Variants in ATP8A2 observed in about 807,000 individuals in gnomAD.
ATP8A2 encodes the protein ATPase phospholipid transporting 8A2.
Under a neutral mutation model 165.6 loss-of-function variants are expected in ATP8A2, and 100 were observed. The ratio of observed to expected loss-of-function variants is 0.60; its 90% CI spans 0.51 to 0.71. The LOEUF (loss-of-function observed/expected upper bound fraction) is 0.71. Among genes scored for constraint, ATP8A2 ranks in the 30% least tolerant of loss-of-function variants. The pLI is 0.00. For missense variants in ATP8A2, 1,227 were observed against 1,479.5 expected (o/e 0.83, Z 2.80); for synonymous variants, 543 against 548.8 (o/e 0.99, Z 0.15).
At chr13:25,724,655 A>G (rs3132362) in intron 25 of ATP8A2, among the ~76,000 whole-genome samples, 18,531 of 152,258 alleles carry the variant, frequency 0.12, 1,499 homozygotes, top group East Asian at 0.36. Context: ...TCCACAGCAC[A>G]TGCAGGCTGC....
At chr13:25,877,347 C>G (rs1450661344) in intron 33 of ATP8A2, among the ~76,000 whole-genome samples, 2 of 152,220 alleles carry the variant, frequency 1.3e-5, no homozygotes, top group African/African-American at 2.4e-5. Flanking sequence ...GAGCTCACCT[C>G]TTTGTTTTTA....
chr13:25,916,106 C>T (rs774797720), intron 33 of ATP8A2, among the ~76,000 whole-genome samples: 3 of 152,014 alleles, frequency 2.0e-5, no homozygotes, highest in Non-Finnish European at 4.4e-5. Flanking sequence ...ACCAACTGTG[C>T]GTCAGATTAA....
At chr13:25,480,200 G>A (rs2036128761) in intron 2 of ATP8A2, among the ~76,000 whole-genome samples, 1 of 147,110 alleles carries the variant, frequency 6.8e-6, no homozygotes, top group Non-Finnish European at 1.5e-5. Context: ...CGGACGGAGT[G>A]GCTGGCCGGG....
At chr13:25,638,071 A>C (rs2041418096) in intron 24 of ATP8A2, among the ~76,000 whole-genome samples, 2 of 152,206 alleles carry the variant, frequency 1.3e-5, no homozygotes, top group Non-Finnish European at 2.9e-5. Flanking sequence ...GAAAACTAAC[A>C]AACAGAAAGG....
At chr13:25,626,491 C>T (rs185846481) in intron 24 of ATP8A2, among the ~76,000 whole-genome samples, 5 of 152,210 alleles carry the variant, frequency 3.3e-5, no homozygotes, top group Admixed American at 1.3e-4. Flanking sequence ...GCCTCCATGT[C>T]CAATCAGCAT....
intron 1 of ATP8A2, among the ~76,000 whole-genome samples, chr13:25,407,613 T>C (rs2033843333): frequency 1.3e-5 from 2 of 152,106 alleles, no homozygotes; most frequent in African/African-American, 4.8e-5. Context: ...CAAGTAGGGA[T>C]TATTTGATTT....
intron 33 of ATP8A2, among the ~76,000 whole-genome samples, chr13:25,869,377 C>A (rs929265102): frequency 5.9e-5 from 9 of 152,164 alleles, no homozygotes; most frequent in African/African-American, 2.2e-4. Context: ...ACAGAACTCC[C>A]GTTATCCTAA....
chr13:25,643,131 G>A lies in ATP8A2; in HGVS notation c.2211+53432G>A, dbSNP rs574381327. Among the ~76,000 whole-genome samples, 28 of 152,218 alleles carry A rather than the reference G, an allele frequency of 1.8e-4. No homozygotes were observed. The South Asian group carries it at 4.6e-3, about 25-fold the overall frequency. The stretch of plus-strand genomic sequence containing the variant: ...TAATGTAAATGACGAGTTAATGGGC[G>A]CAGCACACCAACATGGGACATGTAT... On this transcript the variant is annotated intron_variant, in intron 24 of 36. Transcript: ENST00000381655.
intron 2 of ATP8A2, among the ~76,000 whole-genome samples, chr13:25,476,188 A>G (rs2035989091): frequency 6.6e-6 from 1 of 152,210 alleles, no homozygotes; most frequent in Non-Finnish European, 1.5e-5. Flanking sequence ...TCTCCTCTAA[A>G]TGTTTTAATG....
At chr13:25,940,977 C>T (rs953348242) in intron 33 of ATP8A2, among the ~76,000 whole-genome samples, 1 of 152,206 alleles carries the variant, frequency 6.6e-6, no homozygotes, top group African/African-American at 2.4e-5. Context: ...GTAGCAGAGT[C>T]CACGTGGCTC....
intron 16 of ATP8A2, among the ~76,000 whole-genome samples, chr13:25,566,539 G>A (rs1454442053): frequency 6.6e-6 from 1 of 152,172 alleles, no homozygotes; most frequent in African/African-American, 2.4e-5. Flanking sequence ...AGGAGAAAGT[G>A]GCAGGGTGAC....
At position 25,771,949 on chromosome 13, in the gene ATP8A2, T is replaced by A. The variant is rs145758771; in HGVS notation, c.2568+2720T>A. 4.8e-3 allele frequency among the ~76,000 whole-genome samples: 732 copies of A among 152,332 alleles called. 6 individuals are homozygous for A. Among genetic ancestry groups the A allele is most frequent in the African/African-American group, 0.014 (579 of 41,572 alleles). On this transcript the variant is annotated intron_variant, in intron 26 of 36. Coordinates refer to ENST00000381655, the MANE Select transcript of ATP8A2 (RefSeq NM_016529.6). ...CATTTTAATGTGGATGCATTTTTTT[T>A]ATTACGCTTCGGAGGAAGTACCCTC...
intron 2 of ATP8A2, among the ~76,000 whole-genome samples, chr13:25,475,117 T>C (rs2035957079): frequency 6.6e-6 from 1 of 152,106 alleles, no homozygotes; most frequent in Non-Finnish European, 1.5e-5. Flanking sequence ...ACACCTGTAA[T>C]AGGCCACTGT....
At chr13:25,799,758 A>T (rs114907054) in intron 27 of ATP8A2, among the ~76,000 whole-genome samples, 1 of 152,166 alleles carries the variant, frequency 6.6e-6, no homozygotes, top group African/African-American at 2.4e-5. Context: ...AAAGCATTTC[A>T]AGTGCTCTTG....
intron 2 of ATP8A2, among the ~76,000 whole-genome samples, chr13:25,525,790 T>C (rs1008684680): frequency 6.6e-6 from 1 of 152,158 alleles, no homozygotes; most frequent in Non-Finnish European, 1.5e-5. Context: ...TGAAGTCTTA[T>C]TTGGGTCAGA....
chr13:25,872,116 G>A (rs183438577), intron 33 of ATP8A2, among the ~76,000 whole-genome samples: 3 of 141,080 alleles, frequency 2.1e-5, no homozygotes, highest in East Asian at 4.3e-4. Context: ...CCACCTCTAG[G>A]GTCTGGATCT....
At chr13:25,605,689 G>A (rs188521861) in intron 24 of ATP8A2, among the ~76,000 whole-genome samples, 2 of 151,796 alleles carry the variant, frequency 1.3e-5, no homozygotes, top group Admixed American at 1.3e-4. Flanking sequence ...AGCTGAGATT[G>A]TATCTCTAGA....
chr13:25,918,475 A>G (rs901633645), intron 33 of ATP8A2, among the ~76,000 whole-genome samples: 2 of 152,232 alleles, frequency 1.3e-5, no homozygotes, highest in Non-Finnish European at 2.9e-5. Context: ...CCAACGTGGT[A>G]TATTAACATC....
At chr13:25,477,859 C>G (rs2036038422) in intron 2 of ATP8A2, among the ~76,000 whole-genome samples, 1 of 152,150 alleles carries the variant, frequency 6.6e-6, no homozygotes, top group Admixed American at 6.5e-5. Flanking sequence ...ATCGCTTGAA[C>G]CCGGGAGGTG....
Sources: allele counts gnomAD v4.1 joint callset (sites outside exome capture counted in the v4.1 genomes callset), GRCh38; gene constraint gnomAD v4.1.1; transcripts MANE v1.5; gene names NCBI Gene and HGNC (gene_info 2026-07-23, HGNC 2026-07-21).